The following TRIM51G variants were observed in gnomAD, a reference collection of about 807,000 sequenced individuals.
The protein encoded by TRIM51G is tripartite motif-containing protein 51G.
the TRIM51G span, chr11:48,981,639 C>A: frequency 6.3e-7 from 1 of 1,599,608 alleles, no homozygotes; most frequent in East Asian, 2.2e-5. Flanking sequence ...TGAAGTAGTT[C>A]ATGCAGATGG....
the TRIM51G span, among the ~76,000 whole-genome samples, chr11:48,982,040 A>T: frequency 1.3e-5 from 2 of 152,248 alleles, no homozygotes; most frequent in South Asian, 2.1e-4. Context: ...CTATTTCTCT[A>T]TCAAATAACT....
At chr11:48,982,197 C>T in the TRIM51G span, among the ~76,000 whole-genome samples, 7 of 151,918 alleles carry the variant, frequency 4.6e-5, no homozygotes, top group Non-Finnish European at 7.4e-5. Context: ...ACAAACCAAC[C>T]GACCAGATAA....
the TRIM51G span, chr11:48,977,218 C>T: frequency 4.4e-6 from 4 of 910,232 alleles, no homozygotes; most frequent in Admixed American, 3.6e-5. Context: ...ATATCAACAG[C>T]CAAAAAAATA....
the TRIM51G span, chr11:48,975,704 C>T: frequency 6.5e-7 from 1 of 1,540,882 alleles, no homozygotes; most frequent in African/African-American, 1.4e-5. Context: ...TGAGTGTCCT[C>T]CTTAACACAT....
chr11:48,981,517 C>G, the TRIM51G span: 1 of 1,604,782 alleles, frequency 6.2e-7, no homozygotes, highest in South Asian at 1.1e-5. Flanking sequence ...GTTTCTCTGC[C>G]GTGTTGTCTT....
chr11:48,981,428 C>T, the TRIM51G span: 1 of 1,607,732 alleles, frequency 6.2e-7, no homozygotes, highest in Non-Finnish European at 8.5e-7. Context: ...CATATTTGCT[C>T]CTCAGAGCTA....
chr11:48,981,985 C>G, the TRIM51G span, among the ~76,000 whole-genome samples: 2 of 152,116 alleles, frequency 1.3e-5, no homozygotes, highest in African/African-American at 2.4e-5. Context: ...CGATATGAAA[C>G]TCGGGTTTTA....
the TRIM51G span, chr11:48,981,624 G>A: frequency 2.6e-5 from 42 of 1,599,512 alleles, no homozygotes; most frequent in Non-Finnish European, 3.5e-5. Context: ...TGGTGACTGG[G>A]TCTATGAAGT....
the TRIM51G span, chr11:48,978,295 T>A: frequency 2.4e-6 from 1 of 420,034 alleles, no homozygotes; most frequent in South Asian, 1.8e-5. Flanking sequence ...TTTCTGTTTC[T>A]TTTCTCATGA....
chr11:48,979,038 T>C, the TRIM51G span: 2 of 1,018,332 alleles, frequency 2.0e-6, no homozygotes, highest in South Asian at 1.3e-5. Context: ...CTCTTCTTCA[T>C]GGAAAAATGC....
the TRIM51G span, chr11:48,981,641 T>C: frequency 5.6e-6 from 9 of 1,599,568 alleles, no homozygotes; most frequent in South Asian, 6.6e-5. Context: ...AAGTAGTTCA[T>C]GCAGATGGGA....
At chr11:48,980,993 G>C in the TRIM51G span, 1 of 564,782 alleles carries the variant, frequency 1.8e-6, no homozygotes. Flanking sequence ...TTTTTCTTAG[G>C]AGCTCCTCCT....
chr11:48,976,166 C>A, the TRIM51G span, among the ~76,000 whole-genome samples: 2 of 151,992 alleles, frequency 1.3e-5, no homozygotes, highest in African/African-American at 4.8e-5. Context: ...GATTAATATT[C>A]TCTATAGGAA....
chr11:48,983,053 C>A, the TRIM51G span, among the ~76,000 whole-genome samples: 1 of 86,990 alleles, frequency 1.1e-5, no homozygotes, highest in Admixed American at 1.4e-4. Flanking sequence ...TGGAATCTTT[C>A]CCTTGGCAGT....
At chr11:48,975,719 GAAGA>G in the TRIM51G span, 1 of 1,550,084 alleles carries the variant, frequency 6.5e-7, no homozygotes, top group East Asian at 2.3e-5. Flanking sequence ...ACACATCCAA[GAAGA>G]AAGAGTCCCA....
the TRIM51G span, among the ~76,000 whole-genome samples, chr11:48,977,699 G>C: frequency 6.6e-6 from 1 of 152,040 alleles, no homozygotes; most frequent in African/African-American, 2.4e-5. Flanking sequence ...ATATAAACTA[G>C]AAATCATCAA....
chr11:48,977,964 A>C, the TRIM51G span, among the ~76,000 whole-genome samples: 1 of 151,636 alleles, frequency 6.6e-6, no homozygotes, highest in East Asian at 1.9e-4. Flanking sequence ...ACTGCTTAAT[A>C]AAATCACTGA....
chr11:48,978,427 A>C, the TRIM51G span, among the ~76,000 whole-genome samples: 1 of 152,254 alleles, frequency 6.6e-6, no homozygotes, highest in South Asian at 2.1e-4. Flanking sequence ...GTAACCATGA[A>C]GAAGCTACTC....
chr11:48,980,683 G>C, the TRIM51G span, among the ~76,000 whole-genome samples: 9 of 152,144 alleles, frequency 5.9e-5, no homozygotes, highest in Non-Finnish European at 1.0e-4. Context: ...GGTTTGTATG[G>C]AAACAGATGA....
Sources: gnomAD v4.1 joint callset for allele counts (sites outside exome capture counted in the v4.1 genomes callset) on GRCh38, gnomAD v4.1.1 for gene constraint, MANE v1.5 for transcripts, NCBI Gene and HGNC (gene_info 2026-07-23, HGNC 2026-07-21) for gene names.